The following KCNQ5 variants were observed in gnomAD, a reference collection of about 807,000 sequenced individuals.
The protein encoded by KCNQ5 is potassium voltage-gated channel subfamily Q member 5, also known as potassium voltage-gated channel subfamily KQT member 5.
Under a neutral mutation model 98.2 loss-of-function variants are expected in KCNQ5, and 30 were observed. The ratio of observed to expected loss-of-function variants is 0.31; its 90% CI spans 0.23 to 0.41. The LOEUF (loss-of-function observed/expected upper bound fraction) is 0.41. Among genes scored for constraint, KCNQ5 ranks in the 10% least tolerant of loss-of-function variants. The probability of loss-of-function intolerance (pLI) is 1.00; values close to 1 mark genes in which losing one functional copy is unlikely to be tolerated. For missense variants in KCNQ5, 835 were observed against 1,182.5 expected, an observed-to-expected ratio of 0.71 and a Z score of 4.31; for synonymous variants, 458 against 449.4, an observed-to-expected ratio of 1.02 and a Z score of -0.24.
intron 10 of KCNQ5, chr6:73,158,257 T>TTTTTGTTGTTG (rs1562211953): frequency 1.2e-3 from 19 of 16,308 alleles, no homozygotes; most frequent in Non-Finnish European, 1.4e-3. Context: ...TTGGAAGATT[T>TTTTTGTTGTTG]TTTTTTTTTT....
At chr6:73,122,567 A>G (rs1042653520) in intron 8 of KCNQ5, among the ~76,000 whole-genome samples, 4 of 152,150 alleles carry the variant, frequency 2.6e-5, no homozygotes, top group Non-Finnish European at 5.9e-5. Flanking sequence ...AGCTCCATTG[A>G]ATGAAGAACA....
At position 72,642,301 on chromosome 6, in the gene KCNQ5, T is replaced by C. The variant is rs9446723; in HGVS notation, c.398+19714T>C. On this transcript the variant is annotated intron_variant, in intron 1 of 13. Transcript: ENST00000370398. ...GAGCAAGGGATATGAACAGACACTTTTCTTTTTAAATTCTTATTTATTTAT... is the reference window on the plus strand; with the variant it reads ...GAGCAAGGGATATGAACAGACACTTCTCTTTTTAAATTCTTATTTATTTAT... Among the ~76,000 whole-genome samples, 720 of 152,050 alleles carry C rather than the reference T, an allele frequency of 4.7e-3. 6 individuals carry two copies. The highest frequency in any genetic ancestry group is 0.017 in the African/African-American group (688 of 41,460).
chr6:73,140,801 T>C (rs571754058), intron 10 of KCNQ5, among the ~76,000 whole-genome samples: 2 of 152,232 alleles, frequency 1.3e-5, no homozygotes, highest in Non-Finnish European at 2.9e-5. Flanking sequence ...TAAAAACCAT[T>C]ACCTGAAGAA....
chr6:73,003,279 T>A (rs1170358282), intron 1 of KCNQ5, among the ~76,000 whole-genome samples: 1 of 152,186 alleles, frequency 6.6e-6, no homozygotes, highest in African/African-American at 2.4e-5. Context: ...AGCTGAGAAG[T>A]CATTTATCCA....
intron 5 of KCNQ5, among the ~76,000 whole-genome samples, chr6:73,104,408 G>C (rs891354796): frequency 8.5e-5 from 13 of 152,098 alleles, no homozygotes; most frequent in Non-Finnish European, 1.9e-4. Context: ...TGAAAGACCT[G>C]TACACAGTAG....
chr6:73,011,918 G>A (rs186839303), intron 2 of KCNQ5, among the ~76,000 whole-genome samples: 2 of 152,030 alleles, frequency 1.3e-5, no homozygotes, highest in East Asian at 3.9e-4. Context: ...ACTACACTGA[G>A]TACCACCTCA....
At chr6:72,729,704 T>C (rs1770463334) in intron 1 of KCNQ5, among the ~76,000 whole-genome samples, 1 of 152,244 alleles carries the variant, frequency 6.6e-6, no homozygotes, top group Non-Finnish European at 1.5e-5. Flanking sequence ...GTTAACAAAC[T>C]TTTGGAATTT....
chr6:72,812,787 A>G (rs1017055746), intron 1 of KCNQ5, among the ~76,000 whole-genome samples: 15 of 152,326 alleles, frequency 9.8e-5, no homozygotes, highest in South Asian at 2.1e-4. Context: ...GAAACATTGC[A>G]AAGGCTTTAA....
At chr6:72,695,022 G>T (rs9446737) in intron 1 of KCNQ5, among the ~76,000 whole-genome samples, 1,627 of 152,174 alleles carry the variant, frequency 0.011, 29 homozygotes, top group African/African-American at 0.038. Flanking sequence ...CATCTATATT[G>T]CTGCAAAGGA....
chr6:72,867,970 C>A (rs2096183), intron 1 of KCNQ5, among the ~76,000 whole-genome samples: 114,999 of 146,454 alleles, frequency 0.79, 46,975 homozygotes, highest in Non-Finnish European at 0.89. Flanking sequence ...ACTACTACTA[C>A]TAATAATAAT....
chr6:72,858,444 C>T (rs546069538), intron 1 of KCNQ5, among the ~76,000 whole-genome samples: 17 of 151,674 alleles, frequency 1.1e-4, no homozygotes, highest in African/African-American at 4.1e-4. Context: ...GAGGATTAGA[C>T]CATTTTCCTA....
intron 1 of KCNQ5, among the ~76,000 whole-genome samples, chr6:72,761,079 A>C (rs1020640911): frequency 2.0e-5 from 3 of 152,140 alleles, no homozygotes. Context: ...CAAGAATTAA[A>C]GGATGTATGA....
chr6:73,123,421 C>T (rs1278842569), intron 8 of KCNQ5, among the ~76,000 whole-genome samples: 1 of 152,006 alleles, frequency 6.6e-6, no homozygotes, highest in Admixed American at 6.6e-5. Flanking sequence ...TAGTGGGATG[C>T]TTTGATTCCA....
At chr6:72,962,218 C>CACATATATATAT (rs1434937188) in intron 1 of KCNQ5, among the ~76,000 whole-genome samples, 16 of 137,842 alleles carry the variant, frequency 1.2e-4, no homozygotes, top group Non-Finnish European at 2.2e-4. Flanking sequence ...TATATATATA[C>CACATATATATAT]ACACATATAT....
chr6:72,722,280 T>C (rs535974905), intron 1 of KCNQ5, among the ~76,000 whole-genome samples: 2 of 152,356 alleles, frequency 1.3e-5, no homozygotes, highest in South Asian at 4.1e-4. Flanking sequence ...ACTACTTCTA[T>C]GACTTTTTCA....
intron 7 of KCNQ5, among the ~76,000 whole-genome samples, chr6:73,117,802 C>T (rs1012432846): frequency 9.2e-5 from 14 of 152,300 alleles, no homozygotes; most frequent in African/African-American, 2.6e-4. Flanking sequence ...CATGTGTTTT[C>T]CTTAATTATT....
At chr6:72,749,970 C>T (rs1320891314) in intron 1 of KCNQ5, among the ~76,000 whole-genome samples, 1 of 152,038 alleles carries the variant, frequency 6.6e-6, no homozygotes, top group African/African-American at 2.4e-5. Context: ...TTTTTAAAAC[C>T]TGTAATTACT....
chr6:72,812,296 C>A (rs532338031), intron 1 of KCNQ5, among the ~76,000 whole-genome samples: 1 of 152,246 alleles, frequency 6.6e-6, no homozygotes, highest in African/African-American at 2.4e-5. Flanking sequence ...TGCAGCCCAG[C>A]AAATCTTATC....
At position 72,729,796 on chromosome 6, in the gene KCNQ5, ATTTTTCTAAAC is replaced by A. The variant is rs68124836; in HGVS notation, c.398+107210_398+107220del. 9.9e-3 allele frequency among the ~76,000 whole-genome samples: 1,507 copies of A among 152,194 alleles called. 29 individuals are homozygous for A. The highest frequency in any genetic ancestry group is 0.035 in the African/African-American group (1,451 of 41,542). ...TTTCAGGTATTAGAGAAGTTTTTGC[ATTTTTCTAAAC>A]AAATTTACTTTCTTATACTGGGCCT... On this transcript the variant is annotated intron_variant, in intron 1 of 13. Coordinates refer to ENST00000370398, the MANE Select transcript of KCNQ5 (RefSeq NM_019842.4).
Sources: gnomAD v4.1 joint callset for allele counts (sites outside exome capture counted in the v4.1 genomes callset) on GRCh38, gnomAD v4.1.1 for gene constraint, MANE v1.5 for transcripts, NCBI Gene and HGNC (gene_info 2026-07-23, HGNC 2026-07-21) for gene names.